ORC4: variants seen among roughly 807,000 people sequenced by gnomAD.
ORC4 encodes origin recognition complex subunit 4.
A neutral mutation model predicts 63.9 loss-of-function variants in ORC4; 55 were observed. That is an observed-to-expected ratio of 0.86 (90% confidence interval 0.69 to 1.08). The LOEUF is 1.08. Ranked by LOEUF, ORC4 falls within the 50% of genes least tolerant of loss-of-function variation. The pLI is 0.00. For synonymous variants in ORC4, 150 were observed against 168.5 expected, an observed-to-expected ratio of 0.89 and a Z score of 0.85; for missense variants, 511 against 504.4, an observed-to-expected ratio of 1.01 and a Z score of -0.13.
chr2:148,010,691 CAAT>C (rs2105462662), intron 1 of ORC4, among the ~76,000 whole-genome samples: 1 of 152,016 alleles, frequency 6.6e-6, no homozygotes, highest in South Asian at 2.1e-4. Flanking sequence ...AAGATAGAAA[CAAT>C]AATAAAAAGT....
chr2:148,016,238 C>G lies in ORC4; in HGVS notation c.-18+4395G>C, dbSNP rs563999313. Among the ~76,000 whole-genome samples the G allele has an allele frequency of 2.5e-3, 382 of 152,222 alleles. 2 individuals carry two copies. Among genetic ancestry groups the G allele is most frequent in the African/African-American group, 8.8e-3 (367 of 41,536 alleles). ...TAGATTTTATATGACAAGCAATGAC[C>G]AGCTCAGTGGCTGGACCGCGAAGAA... On this transcript the variant is annotated intron_variant, in intron 1 of 13. Transcript: ENST00000392857.
chr2:148,009,699 C>T (rs1448410918), intron 1 of ORC4, among the ~76,000 whole-genome samples: 2 of 152,118 alleles, frequency 1.3e-5, no homozygotes, highest in African/African-American at 2.4e-5. Context: ...ATTTAATCTG[C>T]ACTATAGATT....
At chr2:147,991,373 C>A (rs1040451690) in intron 1 of ORC4, among the ~76,000 whole-genome samples, 1 of 151,866 alleles carries the variant, frequency 6.6e-6, no homozygotes, top group African/African-American at 2.4e-5. Context: ...AATAAGTGTA[C>A]TTACTTTATA....
rs572184035 is a variant in ORC4 at position 147,934,719 on chromosome 2, A to C, written c.*791T>G. The stretch of plus-strand genomic sequence containing the variant: ...ATCATACTGTAGGCAACTGTAACAC[A>C]ATGGTAAAACATTTGTATATTTAGA... On this transcript the variant is annotated 3_prime_UTR_variant, in exon 14 of 14. Coordinates refer to ENST00000392857, the MANE Select transcript of ORC4 (RefSeq NM_181741.4). The C allele has an allele frequency of 4.7e-4, 72 of 152,338 alleles. No homozygotes were observed. Among genetic ancestry groups the C allele is most frequent in the African/African-American group, 1.7e-3 (72 of 41,578 alleles). The allele number at this position is 152,338 out of a possible 1,614,324, so 9.4% of individuals were successfully genotyped here.
rs1687978515 is a variant in ORC4, at chr2:147,935,140, G to A, written c.*370C>T. 4.5e-6 allele frequency: 1 copy of A among 224,136 alleles called. No homozygotes were observed. Among genetic ancestry groups the A allele is most frequent in the Non-Finnish European group, 9.0e-6 (1 of 111,296 alleles). 13.9% of individuals were successfully genotyped at this position (224,136 alleles called of 1,614,324 possible). A position where few individuals can be genotyped will look rare whatever the true frequency, so the allele number is the denominator to read the frequency against. ...CAAAGGTTACTTATTATACTTCAGT[G>A]CTTACCATTGTTTTTTTTACTCCTT... On this transcript the variant is annotated 3_prime_UTR_variant, in exon 14 of 14. Coordinates refer to ENST00000392857, the MANE Select transcript of ORC4 (RefSeq NM_181741.4).
intron 1 of ORC4, among the ~76,000 whole-genome samples, chr2:148,018,121 A>C (rs942261182): frequency 1.3e-5 from 2 of 152,228 alleles, no homozygotes; most frequent in Non-Finnish European, 2.9e-5. Context: ...AAAACCTCCC[A>C]AAAAGATTTA....
intron 1 of ORC4, among the ~76,000 whole-genome samples, chr2:148,009,110 A>G (rs985790136): frequency 6.6e-6 from 1 of 152,162 alleles, no homozygotes; most frequent in Non-Finnish European, 1.5e-5. Flanking sequence ...ATAATTGGCT[A>G]TAAATTGTTA....
In ORC4 at chr2:147,959,554, C is replaced by T. The variant is rs372605135; in HGVS notation, c.226-688G>A. On this transcript the variant is annotated intron_variant, in intron 4 of 13. Transcript: ENST00000392857. ...ACTTAGGACAAAAAGTATTACTCAA[C>T]GAAGGCACTGGGACAACTGGTAAAC... Among the ~76,000 whole-genome samples the T allele has an allele frequency of 3.9e-5, 6 of 151,918 alleles. No individual in the cohort carries two copies. In the East Asian group the frequency reaches 7.7e-4, roughly 20 times the overall value.
In ORC4 at chr2:147,938,395, TACAGTA is replaced by T; in HGVS notation, c.959-8_959-3del. 6.5e-7 allele frequency: 1 copy of T among 1,544,714 alleles called. No homozygotes were observed. Among genetic ancestry groups the T allele is most frequent in the Non-Finnish European group, 8.9e-7 (1 of 1,118,824 alleles). Reference sequence around the variant, plus strand: ...GACAGATTTCCAAGACTGATAGACCTACAGTAAAAGGGAAAAAAAACTATCAGTTTA... The same window carrying T: ...GACAGATTTCCAAGACTGATAGACCTAAAGGGAAAAAAAACTATCAGTTTA... On this transcript the variant is annotated splice_polypyrimidine_tract_variant and splice_region_variant and intron_variant, in intron 11 of 13. Coordinates refer to ENST00000392857, the MANE Select transcript of ORC4 (RefSeq NM_181741.4).
chr2:147,989,884 G>T (rs1333892366), intron 1 of ORC4, among the ~76,000 whole-genome samples: 1 of 152,048 alleles, frequency 6.6e-6, no homozygotes, highest in Non-Finnish European at 1.5e-5. Flanking sequence ...GATGAGACTA[G>T]AAAATATAAT....
chr2:147,977,395 CATTA>C (rs1690624911), intron 1 of ORC4, among the ~76,000 whole-genome samples: 2 of 152,162 alleles, frequency 1.3e-5, no homozygotes, highest in African/African-American at 4.8e-5. Context: ...CAATGATTAA[CATTA>C]TAATAATGCG....
At chr2:147,957,282 T>C (rs1338589751) in intron 6 of ORC4, among the ~76,000 whole-genome samples, 1 of 148,522 alleles carries the variant, frequency 6.7e-6, no homozygotes, top group African/African-American at 2.4e-5. Flanking sequence ...AATTAATAAT[T>C]TTATAGATTG....
chr2:148,020,450 A>G (rs1305270270), intron 1 of ORC4, among the ~76,000 whole-genome samples, 183 bp downstream of exon 1: 3 of 152,038 alleles, frequency 2.0e-5, no homozygotes, highest in African/African-American at 4.8e-5. Context: ...GAGTGGCCAC[A>G]AGACGGAGCT....
rs1690295800 is a variant in ORC4, at chr2:147,972,785, C to T, written c.179G>A (p.Ser60Asn). The T allele has an allele frequency of 1.2e-6, 2 of 1,612,496 alleles. No homozygotes were observed. The highest frequency in any genetic ancestry group is 1.7e-6 in the Non-Finnish European group (2 of 1,178,860). ...GGGTCCGATAATAAGGACAGAGTTA[C>T]TCTCTCCATGGAGAGCAGTTCTTTT... ...LLKRTALHGE[S>N]NSVLIIGPRG... Residue 60 changes from serine (S) to asparagine (N), a missense_variant, in exon 4 of 14, where the codon AGT becomes AAT. Ser to Asn is a conservative substitution (Grantham distance 46). Coordinates refer to ENST00000392857, the MANE Select transcript of ORC4 (RefSeq NM_181741.4).
At chr2:148,019,324 T>C (rs994567461) in intron 1 of ORC4, among the ~76,000 whole-genome samples, 1 of 152,206 alleles carries the variant, frequency 6.6e-6, no homozygotes. Context: ...GCGCGGTGGC[T>C]CACGCCTGTA....
chr2:147,943,591 G>C, intron 9 of ORC4, 69 bp from the exon 10 acceptor site: 1 of 848,060 alleles, frequency 1.2e-6, no homozygotes, highest in South Asian at 1.4e-5. Context: ...ATATAATCCT[G>C]TGCCTTACTG....
Position 148,010,167 on chromosome 2 carries a change from C to T in ORC4, c.-18+10466G>A, listed in dbSNP as rs187107517. Among the ~76,000 whole-genome samples, 31 of 152,112 alleles carry T rather than the reference C, an allele frequency of 2.0e-4. 2 individuals are homozygous for T. The East Asian group carries it at 6.0e-3, about 29-fold the overall frequency. On this transcript the variant is annotated intron_variant, in intron 1 of 13. Coordinates refer to ENST00000392857, the MANE Select transcript of ORC4 (RefSeq NM_181741.4). Reference sequence around the variant, plus strand: ...CAAATGAAAATGGAAACACAACCTACTAAAACTTATGAGATACAGTTAAAG... The same window carrying T: ...CAAATGAAAATGGAAACACAACCTATTAAAACTTATGAGATACAGTTAAAG...
intron 4 of ORC4, among the ~76,000 whole-genome samples, chr2:147,964,567 A>T (rs2105329914): frequency 6.6e-6 from 1 of 152,340 alleles, no homozygotes; most frequent in Non-Finnish European, 1.5e-5. Flanking sequence ...TGAGAGAGGA[A>T]TGGACATCCA....
At chr2:148,021,400 C>G, upstream of ORC4, 1 of 511,192 alleles carries the variant, frequency 2.0e-6, no homozygotes, top group Non-Finnish European at 3.8e-6. Context: ...CCTCTTTGGC[C>G]GTGAGAGGAG....
Sources: gnomAD v4.1 joint callset for allele counts (sites outside exome capture counted in the v4.1 genomes callset) on GRCh38, gnomAD v4.1.1 for gene constraint, MANE v1.5 for transcripts, NCBI Gene and HGNC (gene_info 2026-07-23, HGNC 2026-07-21) for gene names.